The following TMEM108 variants were observed in gnomAD, a reference collection of about 807,000 sequenced individuals.
The protein encoded by TMEM108 is cancer/testis antigen 124.
In TMEM108, 12 loss-of-function variants were observed where a neutral mutation model predicts 35.1. The observed-to-expected ratio is 0.34, with a 90% CI of 0.22 to 0.55. The LOEUF (loss-of-function observed/expected upper bound fraction) is 0.55, where lower values mean the gene tolerates loss of function less well. Among genes scored for constraint, TMEM108 ranks in the 20% least tolerant of loss-of-function variants. TMEM108 has a pLI of 0.89. For synonymous variants in TMEM108, 287 were observed against 308.6 expected (o/e 0.93, Z 0.73); for missense variants, 680 against 753.3 (o/e 0.90, Z 1.14).
intron 3 of TMEM108, among the ~76,000 whole-genome samples, chr3:133,335,047 T>C (rs1267541930): frequency 6.6e-6 from 1 of 152,168 alleles, no homozygotes; most frequent in African/African-American, 2.4e-5. Context: ...AATGTAATTA[T>C]GGTAGGAAAA....
chr3:133,312,761 T>G (rs1559901320), intron 3 of TMEM108, among the ~76,000 whole-genome samples: 2 of 152,194 alleles, frequency 1.3e-5, no homozygotes, highest in Admixed American at 1.3e-4. Flanking sequence ...CCCAGTGAGA[T>G]GAACCAGGTG....
chr3:133,156,864 C>A (rs537994936), intron 2 of TMEM108, among the ~76,000 whole-genome samples: 1 of 152,130 alleles, frequency 6.6e-6, no homozygotes, highest in Non-Finnish European at 1.5e-5. Flanking sequence ...TTGTTTTCCC[C>A]TTTTTTTCTC....
intron 2 of TMEM108, among the ~76,000 whole-genome samples, chr3:133,073,479 TTCTATTC>T (rs1461176145): frequency 3.9e-5 from 5 of 127,406 alleles, no homozygotes; most frequent in African/African-American, 1.3e-4. Context: ...CTGAATAGTA[TTCTATTC>T]TCTCTCTCTC....
intron 2 of TMEM108, among the ~76,000 whole-genome samples, chr3:133,154,867 T>C (rs1944856402): frequency 7.0e-6 from 1 of 143,638 alleles, no homozygotes; most frequent in Non-Finnish European, 1.5e-5. Context: ...ATAATAATAA[T>C]TAAAAAAAAT....
intron 2 of TMEM108, among the ~76,000 whole-genome samples, chr3:133,212,364 ATC>A (rs1303280278): frequency 6.6e-6 from 1 of 152,146 alleles, no homozygotes; most frequent in Non-Finnish European, 1.5e-5. Context: ...AATAGAAAAG[ATC>A]TGTTTGGTGT....
At chr3:133,219,708 G>T (rs2107849945) in intron 2 of TMEM108, among the ~76,000 whole-genome samples, 1 of 152,186 alleles carries the variant, frequency 6.6e-6, no homozygotes, top group East Asian at 1.9e-4. Context: ...TATATTTCAT[G>T]TGATTTAGAC....
chr3:133,173,329 G>A (rs1291050797), intron 2 of TMEM108, among the ~76,000 whole-genome samples: 4 of 152,190 alleles, frequency 2.6e-5, no homozygotes, highest in Non-Finnish European at 4.4e-5. Flanking sequence ...GTACACATGT[G>A]AAATTTGTAA....
intron 2 of TMEM108, among the ~76,000 whole-genome samples, chr3:133,150,572 A>C (rs546003609): frequency 4.6e-5 from 7 of 152,080 alleles, no homozygotes; most frequent in Non-Finnish European, 1.0e-4. Context: ...CATAGTCATA[A>C]ACTTGTAGTT....
intron 3 of TMEM108, among the ~76,000 whole-genome samples, chr3:133,236,178 T>G (rs927487867): frequency 1.3e-5 from 2 of 152,134 alleles, no homozygotes; most frequent in African/African-American, 4.8e-5. Context: ...CATTTGAATT[T>G]CTTAAATCAT....
intron 3 of TMEM108, among the ~76,000 whole-genome samples, chr3:133,306,523 C>G (rs557898048): frequency 6.6e-6 from 1 of 152,128 alleles, no homozygotes; most frequent in Non-Finnish European, 1.5e-5. Context: ...CCCAGCCCCC[C>G]ACTCAATGAC....
At chr3:133,305,932 G>A (rs1034466268) in intron 3 of TMEM108, among the ~76,000 whole-genome samples, 2 of 151,980 alleles carry the variant, frequency 1.3e-5, no homozygotes, top group Non-Finnish European at 1.5e-5. Flanking sequence ...TAATTGGGGT[G>A]TAAGAGCCCA....
rs774734849 is a variant in TMEM108 at position 133,381,069 on chromosome 3, G to A, written c.1358G>A (p.Gly453Glu). 46 of 1,614,064 alleles carry A rather than the reference G, an allele frequency of 2.8e-5. No individual in the cohort carries two copies. Among genetic ancestry groups the A allele is most frequent in the Admixed American group, 6.7e-5 (4 of 60,006 alleles). The change falls in exon 4 of 6, where the codon GGG becomes GAG. Residue 453 changes from glycine (G) to glutamate (E), a missense_variant. Gly to Glu is a moderately conservative substitution (Grantham distance 98). Transcript: ENST00000321871. The part of the protein sequence containing the change: ...TAGNISHVAE[G>E]DKPQHRATIC... ...GGGAACATCTCCCATGTGGCCGAGG[G>A]GGACAAACCGCAGCACAGAGCCACC... is the stretch of plus-strand genomic sequence containing the variant.
chr3:133,336,164 G>T (rs2071496301), intron 3 of TMEM108, among the ~76,000 whole-genome samples: 2 of 152,220 alleles, frequency 1.3e-5, no homozygotes, highest in South Asian at 4.2e-4. Flanking sequence ...GTAAGTTCTG[G>T]TGCTGAACTG....
At chr3:133,215,253 T>C (rs1200988574) in intron 2 of TMEM108, among the ~76,000 whole-genome samples, 3 of 152,044 alleles carry the variant, frequency 2.0e-5, no homozygotes, top group African/African-American at 7.2e-5. Context: ...CAGCATTTTC[T>C]GTAAAAGCTA....
chr3:133,343,376 G>A (rs1374493179), intron 3 of TMEM108, among the ~76,000 whole-genome samples: 2 of 151,874 alleles, frequency 1.3e-5, no homozygotes, highest in African/African-American at 4.8e-5. Context: ...GTTTATCCAA[G>A]TAAATTGAAA....
In TMEM108 at chr3:133,227,196, T is replaced by C. The variant is rs1394590129; in HGVS notation, c.-46-2070T>C. Among the ~76,000 whole-genome samples the C allele has an allele frequency of 1.1e-4, 15 of 139,644 alleles. No homozygotes were observed. The South Asian group carries it at 3.0e-3, about 28-fold the overall frequency. 91.6% of individuals were successfully genotyped at this position (139,644 alleles called of 152,430 possible). A position where few individuals can be genotyped will look rare whatever the true frequency, so the allele number is the denominator to read the frequency against. On this transcript the variant is annotated intron_variant, in intron 2 of 5. Coordinates refer to ENST00000321871, the MANE Select transcript of TMEM108 (RefSeq NM_023943.4). ...GGACTAAGGAAGGCCTTTCTTTTTT[T>C]TTTTTTTTTTTTTTTTGAGACAGAG...
At chr3:133,169,054 A>G (rs1438860750) in intron 2 of TMEM108, among the ~76,000 whole-genome samples, 3 of 152,114 alleles carry the variant, frequency 2.0e-5, no homozygotes, top group African/African-American at 7.2e-5. Flanking sequence ...GAACTGTAAC[A>G]CTCACCGTGA....
At chr3:133,314,602 G>A (rs908412375) in intron 3 of TMEM108, among the ~76,000 whole-genome samples, 1 of 152,124 alleles carries the variant, frequency 6.6e-6, no homozygotes, top group Non-Finnish European at 1.5e-5. Flanking sequence ...TACAGCCAAG[G>A]TCACCTGAGA....
intron 1 of TMEM108, among the ~76,000 whole-genome samples, chr3:133,044,771 T>C (rs1943314651): frequency 6.6e-6 from 1 of 152,094 alleles, no homozygotes. Flanking sequence ...CTGGATAACA[T>C]AGTGAGACTC....
Sources: gnomAD v4.1 joint callset for allele counts (sites outside exome capture counted in the v4.1 genomes callset) on GRCh38, gnomAD v4.1.1 for gene constraint, MANE v1.5 for transcripts, NCBI Gene and HGNC (gene_info 2026-07-23, HGNC 2026-07-21) for gene names.